Variants in RAD51B observed in about 807,000 individuals in gnomAD.
The protein encoded by RAD51B is DNA repair protein RAD51 homolog 2.
RAD51B carries 38 observed loss-of-function variants against 42.2 expected under a neutral mutation model. The observed-to-expected ratio is 0.90, with a 90% CI of 0.70 to 1.18. The LOEUF (loss-of-function observed/expected upper bound fraction) is 1.18. Ranked by LOEUF, RAD51B falls within the 50% of genes most tolerant of loss-of-function variation. The pLI is 0.00. For missense variants in RAD51B, 373 were observed against 400.7 expected (o/e 0.93, Z 0.59); for synonymous variants, 154 against 145.2 (o/e 1.06, Z -0.43).
chr14:68,161,283 T>C (rs1373214341), intron 7 of RAD51B, among the ~76,000 whole-genome samples: 4 of 152,342 alleles, frequency 2.6e-5, no homozygotes, highest in Middle Eastern at 6.8e-3. Context: ...TGTTTTCTAC[T>C]GGGTTGGCTT....
intron 7 of RAD51B, among the ~76,000 whole-genome samples, chr14:68,229,942 G>T (rs1595578460): frequency 6.6e-6 from 1 of 152,146 alleles, no homozygotes; most frequent in African/African-American, 2.4e-5. Context: ...CATGGGCTAG[G>T]CCACCTTCCT....
At chr14:68,547,035 AT>A (rs1236633635) in intron 10 of RAD51B, among the ~76,000 whole-genome samples, 4 of 152,008 alleles carry the variant, frequency 2.6e-5, no homozygotes, top group Admixed American at 6.6e-5. Context: ...GCTTGGAAAC[AT>A]TTTTTTTGTG....
At chr14:68,549,654 T>A (rs1245617102) in intron 10 of RAD51B, among the ~76,000 whole-genome samples, 1 of 151,132 alleles carries the variant, frequency 6.6e-6, no homozygotes, top group Non-Finnish European at 1.5e-5. Flanking sequence ...GACCTCGTGA[T>A]CCGCCCGTCT....
chr14:68,380,442 G>T (rs992020691), intron 8 of RAD51B, among the ~76,000 whole-genome samples: 2 of 152,180 alleles, frequency 1.3e-5, no homozygotes, highest in African/African-American at 4.8e-5. Context: ...GCCCCAGATG[G>T]TTAGAGTTAA....
At chr14:68,021,254 A>G (rs1417548461) in intron 7 of RAD51B, among the ~76,000 whole-genome samples, 2 of 152,338 alleles carry the variant, frequency 1.3e-5, no homozygotes, top group African/African-American at 2.4e-5. Context: ...AGAGAGGGAT[A>G]AAGGGAGAAC....
intron 10 of RAD51B, among the ~76,000 whole-genome samples, chr14:68,496,323 C>T (rs1292003783): frequency 1.3e-5 from 2 of 152,222 alleles, no homozygotes; most frequent in Non-Finnish European, 2.9e-5. Flanking sequence ...GCAGCCTCCT[C>T]TCCTCTTGTA....
At chr14:68,426,011 T>TCTTC (rs1566876633) in intron 9 of RAD51B, among the ~76,000 whole-genome samples, 1 of 65,410 alleles carries the variant, frequency 1.5e-5, no homozygotes, top group Non-Finnish European at 3.4e-5. Context: ...TTCCTTCCTT[T>TCTTC]CTTTCTTTCT....
At chr14:68,523,670 A>G (rs761974811) in intron 10 of RAD51B, among the ~76,000 whole-genome samples, 3 of 152,206 alleles carry the variant, frequency 2.0e-5, no homozygotes, top group Non-Finnish European at 2.9e-5. Flanking sequence ...ACCCTCCACT[A>G]CAAGAAAAAG....
At chr14:68,001,504 A>G (rs552743276) in intron 7 of RAD51B, among the ~76,000 whole-genome samples, 2 of 152,324 alleles carry the variant, frequency 1.3e-5, no homozygotes, top group East Asian at 3.9e-4. Context: ...TAGAGACTCA[A>G]AAAGGTAATG....
chr14:68,427,912 G>A (rs1315672414), intron 9 of RAD51B, among the ~76,000 whole-genome samples: 1 of 152,162 alleles, frequency 6.6e-6, no homozygotes, highest in Non-Finnish European at 1.5e-5. Context: ...TAAGAGGTGG[G>A]ATCTTTAAGA....
chr14:67,831,702 A>G (rs1449720136), intron 3 of RAD51B, among the ~76,000 whole-genome samples: 1 of 136,238 alleles, frequency 7.3e-6, no homozygotes, highest in African/African-American at 2.7e-5. Flanking sequence ...ATGCCCAGCT[A>G]ATTTTTTTTT....
intron 7 of RAD51B, among the ~76,000 whole-genome samples, chr14:68,111,752 T>A (rs966641273): frequency 3.3e-5 from 5 of 151,966 alleles, no homozygotes; most frequent in Admixed American, 6.6e-5. Context: ...GCCACCTGGG[T>A]CTCCTGAAAT....
At chr14:67,842,077 T>C (rs907171327) in intron 4 of RAD51B, among the ~76,000 whole-genome samples, 1 of 152,210 alleles carries the variant, frequency 6.6e-6, no homozygotes, top group Admixed American at 6.5e-5. Flanking sequence ...CAGTGTTTTG[T>C]AGTTCTCCTT....
chr14:67,989,079 A>G lies in RAD51B; in HGVS notation c.756+101875A>G, dbSNP rs142445723. ...TGCCTTATTTTAATAGAGGTAATAG[A>G]ATTCTATGTGGTGGTTTCCTGATCT... On this transcript the variant is annotated intron_variant, in intron 7 of 10. Coordinates refer to ENST00000471583, the MANE Select transcript of RAD51B (RefSeq NM_133510.4). Among the ~76,000 whole-genome samples the G allele has an allele frequency of 5.5e-4, 84 of 152,300 alleles. 3 individuals are homozygous for G. The East Asian group carries it at 8.7e-3, about 16-fold the overall frequency.
At chr14:67,825,824 G>T (rs2140279324) in intron 3 of RAD51B, among the ~76,000 whole-genome samples, 1 of 152,202 alleles carries the variant, frequency 6.6e-6, no homozygotes, top group South Asian at 2.1e-4. Flanking sequence ...CTGCCTCCTG[G>T]GTTCAAGCGA....
chr14:68,496,103 A>C (rs1297815445), intron 10 of RAD51B, among the ~76,000 whole-genome samples: 1 of 152,236 alleles, frequency 6.6e-6, no homozygotes, highest in Non-Finnish European at 1.5e-5. Flanking sequence ...TGTGTCAAAC[A>C]TGCACAAACG....
intron 8 of RAD51B, among the ~76,000 whole-genome samples, chr14:68,401,313 C>T (rs1354580305): frequency 3.3e-5 from 5 of 152,166 alleles, no homozygotes; most frequent in African/African-American, 1.2e-4. Flanking sequence ...TGGATAAGAA[C>T]TTAAAGTATT....
downstream of RAD51B, among the ~76,000 whole-genome samples, chr14:68,481,002 T>G (rs980463634): frequency 6.6e-6 from 1 of 152,252 alleles, no homozygotes; most frequent in African/African-American, 2.4e-5. Context: ...TTGGGAGGGC[T>G]GCACTCTCTT....
intron 3 of RAD51B, among the ~76,000 whole-genome samples, chr14:67,826,567 TACTGAAC>T (rs1465858351): frequency 1.3e-5 from 2 of 152,224 alleles, no homozygotes; most frequent in Non-Finnish European, 2.9e-5. Flanking sequence ...TATTGAAATT[TACTGAAC>T]ACTGAACAAT....
Sources: allele counts gnomAD v4.1 joint callset (sites outside exome capture counted in the v4.1 genomes callset), GRCh38; gene constraint gnomAD v4.1.1; transcripts MANE v1.5; gene names NCBI Gene and HGNC (gene_info 2026-07-23, HGNC 2026-07-21).